FEZ2: variants seen among roughly 807,000 people sequenced by gnomAD.
FEZ2 encodes fasciculation and elongation protein zeta-2.
In FEZ2, 51 loss-of-function variants were observed where a neutral mutation model predicts 40.4. The ratio of observed to expected loss-of-function variants is 1.26; its 90% CI spans 1.01 to 1.59. FEZ2 has a LOEUF of 1.59. FEZ2 is among the 40% of genes most tolerant of loss of function. FEZ2 has a pLI of 0.00. For synonymous variants in FEZ2, 242 were observed against 172.0 expected, an observed-to-expected ratio of 1.41 and a Z score of -3.18; for missense variants, 640 against 438.3, an observed-to-expected ratio of 1.46 and a Z score of -4.11.
At chr2:36,572,794 G>A (rs545336095) in intron 5 of FEZ2, among the ~76,000 whole-genome samples, 2 of 152,278 alleles carry the variant, frequency 1.3e-5, no homozygotes, top group African/African-American at 4.8e-5. Flanking sequence ...GTTTTAAACA[G>A]AAGCCCCAAA....
chr2:36,597,396 T>C (rs771081541), intron 1 of FEZ2, among the ~76,000 whole-genome samples: 7 of 152,234 alleles, frequency 4.6e-5, no homozygotes, highest in Admixed American at 6.5e-5. Context: ...CATCCATACA[T>C]GTATTTGTTT....
chr2:36,573,134 T>C (rs1397586331), intron 5 of FEZ2, among the ~76,000 whole-genome samples: 1 of 152,230 alleles, frequency 6.6e-6, no homozygotes, highest in Non-Finnish European at 1.5e-5. Context: ...CAAAGTTCAA[T>C]GTCATTATGG....
intron 7 of FEZ2, 180 bp downstream of exon 7, chr2:36,555,503 A>G (rs1667934698): frequency 9.7e-6 from 4 of 414,112 alleles, no homozygotes; most frequent in Non-Finnish European, 1.8e-5. Context: ...CTTAAATTAT[A>G]TAAAACCATG....
In FEZ2 at chr2:36,578,650, T is replaced by C; in HGVS notation, c.850A>G (p.Lys284Glu). 6.2e-7 allele frequency: 1 copy of C among 1,613,672 alleles called. No individual in the cohort carries two copies. Among genetic ancestry groups the C allele is most frequent in the Non-Finnish European group, 8.5e-7 (1 of 1,179,836 alleles). ...TTCCCATTCTGAGAGCTGCCATTTT[T>C]TAGTTTCTTTTTCTTTTTTGCTGTT... ...KETAKKKKKL[K>E]NGSSQNGKNE... The change falls in exon 5 of 8, where the codon AAA becomes GAA. Residue 284 changes from lysine to glutamate, a missense_variant. Transcript: ENST00000405912.
rs115885053 is a variant in FEZ2, at chr2:36,564,962, C to T, written c.904-6449G>A. ...GCTTAACTTTCAGACCATAGGTTGA[C>T]GGAAAAGAGAGACATCCCCTCATTT... On this transcript the variant is annotated intron_variant, in intron 5 of 7. Transcript: ENST00000405912. Among the ~76,000 whole-genome samples the T allele has an allele frequency of 9.2e-3, 1,397 of 152,266 alleles. 13 individuals are homozygous for T. Among genetic ancestry groups the T allele is most frequent in the African/African-American group, 0.032 (1,339 of 41,532 alleles).
chr2:36,560,720 C>T, intron 5 of FEZ2: 1 of 973,946 alleles, frequency 1.0e-6, no homozygotes, highest in South Asian at 1.5e-5. Flanking sequence ...TACCAGCTTT[C>T]AGGATCTTCA....
At chr2:36,595,747 G>A (rs1669202331) in intron 1 of FEZ2, among the ~76,000 whole-genome samples, 1 of 152,198 alleles carries the variant, frequency 6.6e-6, no homozygotes, top group African/African-American at 2.4e-5. Context: ...GACAATGCCA[G>A]TGATGACCAG....
chr2:36,554,422 T>C (rs1249243708), intron 7 of FEZ2, among the ~76,000 whole-genome samples: 2 of 152,234 alleles, frequency 1.3e-5, no homozygotes, highest in Admixed American at 1.3e-4. Flanking sequence ...GAACCCGATA[T>C]AATTAAAATT....
chr2:36,590,432 C>T (rs1669035231), intron 2 of FEZ2: 1 of 154,586 alleles, frequency 6.5e-6, no homozygotes, highest in Non-Finnish European at 1.4e-5. Flanking sequence ...AATCCCAGCA[C>T]TCTGGGAGGT....
intron 5 of FEZ2, among the ~76,000 whole-genome samples, chr2:36,573,413 T>G (rs958698223): frequency 6.6e-6 from 1 of 152,238 alleles, no homozygotes; most frequent in African/African-American, 2.4e-5. Flanking sequence ...GAACTGCTAC[T>G]GAAATTCAAT....
At chr2:36,583,602 T>C in intron 2 of FEZ2, 133 bp from the exon 3 acceptor site, 1 of 616,226 alleles carries the variant, frequency 1.6e-6, no homozygotes, top group South Asian at 1.9e-5. Flanking sequence ...ATTATTACAA[T>C]CACTCTGTAC....
intron 5 of FEZ2, among the ~76,000 whole-genome samples, chr2:36,566,325 G>C (rs1277109944): frequency 2.1e-5 from 3 of 144,746 alleles, no homozygotes; most frequent in African/African-American, 8.0e-5. Flanking sequence ...GGACGACAGA[G>C]CGAGACTCCG....
At chr2:36,560,418 C>A (rs1202046606) in intron 5 of FEZ2, among the ~76,000 whole-genome samples, 2 of 152,130 alleles carry the variant, frequency 1.3e-5, no homozygotes. Context: ...TGACATCTTG[C>A]GACTTAGACT....
chr2:36,590,651 C>G (rs554522089), intron 2 of FEZ2: 1 of 396,654 alleles, frequency 2.5e-6, no homozygotes, highest in East Asian at 4.7e-5. Context: ...AGTGAGACTC[C>G]GTCAAAAAAA....
rs1668014526 is a variant in FEZ2, at chr2:36,558,586, C to G, written c.904-73G>C. ...ATCTGCAAAAAATTTGATACTGTTA[C>G]TAGAAGGTCTATCTGATAATATAAA... On this transcript the variant is annotated intron_variant, in intron 5 of 7. Coordinates refer to ENST00000405912, the MANE Select transcript of FEZ2 (RefSeq NM_005102.3). 44 of 766,178 alleles carry G rather than the reference C, an allele frequency of 5.7e-5. 1 individual carries two copies. The South Asian group carries it at 8.4e-4, about 15-fold the overall frequency. 47.5% of individuals were successfully genotyped at this position (766,178 alleles called of 1,614,324 possible). A position where few individuals can be genotyped will look rare whatever the true frequency, so the allele number is the denominator to read the frequency against.
At chr2:36,581,454 G>A (rs1668745703) in intron 3 of FEZ2, 23 bp from the exon 4 acceptor site, 3 of 1,608,116 alleles carry the variant, frequency 1.9e-6, no homozygotes, top group Non-Finnish European at 2.6e-6. Context: ...ACACACCACT[G>A]TTAATCAAAT....
At chr2:36,583,707 C>G (rs1668822943) in intron 2 of FEZ2, among the ~76,000 whole-genome samples, 1 of 152,070 alleles carries the variant, frequency 6.6e-6, no homozygotes, top group Non-Finnish European at 1.5e-5. Flanking sequence ...GCTATAAAAG[C>G]TGACAGATAT....
intron 5 of FEZ2, among the ~76,000 whole-genome samples, chr2:36,564,706 AGGACAAT>A (rs1265597339): frequency 6.6e-6 from 1 of 152,052 alleles, no homozygotes; most frequent in African/African-American, 2.4e-5. Context: ...TGAGCCACAA[AGGACAAT>A]GGACAAGGGA....
intron 2 of FEZ2, among the ~76,000 whole-genome samples, chr2:36,584,408 A>C (rs1668841088): frequency 6.6e-6 from 1 of 152,188 alleles, no homozygotes; most frequent in Admixed American, 6.5e-5. Context: ...AACCCTGCCC[A>C]CACCAATATA....
Sources: gnomAD v4.1 joint callset for allele counts (sites outside exome capture counted in the v4.1 genomes callset) on GRCh38, gnomAD v4.1.1 for gene constraint, MANE v1.5 for transcripts, NCBI Gene and HGNC (gene_info 2026-07-23, HGNC 2026-07-21) for gene names.